Variants in RYR2 observed in about 807,000 individuals in gnomAD.
The protein encoded by RYR2 is ryanodine receptor 2, also known as cardiac muscle ryanodine receptor-calcium release channel.
RYR2 carries 227 observed loss-of-function variants against 601.1 expected under a neutral mutation model. That is an observed-to-expected ratio of 0.38 (90% confidence interval 0.34 to 0.42). The LOEUF (loss-of-function observed/expected upper bound fraction) is 0.42. Among genes scored for constraint, RYR2 ranks in the 10% least tolerant of loss-of-function variants. The pLI is 1.00. For missense variants in RYR2, 4,646 were observed against 6,156.5 expected (o/e 0.75, Z 8.21); for synonymous variants, 2,223 against 2,175.1 (o/e 1.02, Z -0.61).
intron 2 of RYR2, among the ~76,000 whole-genome samples, chr1:237,319,310 G>A (rs1464730790): frequency 6.6e-6 from 1 of 152,114 alleles, no homozygotes; most frequent in Non-Finnish European, 1.5e-5. Flanking sequence ...CACTCAGAGA[G>A]TTTCTCAAGA....
At chr1:237,119,671 T>C (rs2490385) in intron 1 of RYR2, among the ~76,000 whole-genome samples, 79,894 of 152,010 alleles carry the variant, frequency 0.53, 25,131 homozygotes, top group Non-Finnish European at 0.67. Flanking sequence ...CTTCAGCCTA[T>C]CAAATATAAA....
At chr1:237,448,155 G>T (rs1347715408) in intron 14 of RYR2, among the ~76,000 whole-genome samples, 2 of 152,056 alleles carry the variant, frequency 1.3e-5, no homozygotes, top group African/African-American at 4.8e-5. Flanking sequence ...TCGAACACCT[G>T]ATCTCAAGTG....
At chr1:237,409,455 A>C (rs190220244) in intron 10 of RYR2, among the ~76,000 whole-genome samples, 3 of 152,114 alleles carry the variant, frequency 2.0e-5, no homozygotes, top group Non-Finnish European at 2.9e-5. Context: ...ATGATGGATT[A>C]TACTATGGTT....
At chr1:237,102,095 A>T (rs930095818) in intron 1 of RYR2, among the ~76,000 whole-genome samples, 4 of 152,190 alleles carry the variant, frequency 2.6e-5, no homozygotes, top group Non-Finnish European at 4.4e-5. Context: ...GGTCAAAGAC[A>T]TTGCTGTGGA....
intron 2 of RYR2, among the ~76,000 whole-genome samples, chr1:237,295,792 A>G (rs925795015): frequency 1.3e-5 from 2 of 152,206 alleles, no homozygotes; most frequent in Non-Finnish European, 2.9e-5. Flanking sequence ...TATATTTAAA[A>G]TATATTTGTT....
intron 34 of RYR2, among the ~76,000 whole-genome samples, chr1:237,596,939 C>A (rs1675956550): frequency 6.6e-6 from 1 of 152,146 alleles, no homozygotes; most frequent in South Asian, 2.1e-4. Flanking sequence ...ATAGAGTACT[C>A]CACAGATAAG....
chr1:237,641,740 C>T (rs1207656100), intron 47 of RYR2, among the ~76,000 whole-genome samples: 4 of 152,110 alleles, frequency 2.6e-5, no homozygotes, highest in African/African-American at 7.2e-5. Context: ...CGGGGTTTTG[C>T]CATGTTGGCC....
At chr1:237,744,800 A>T in intron 80 of RYR2, among the ~76,000 whole-genome samples, 1 of 136,338 alleles carries the variant, frequency 7.3e-6, no homozygotes, top group East Asian at 2.1e-4. Flanking sequence ...TTCCTTTGTA[A>T]TTTTTTTTTT....
At chr1:237,243,515 C>T (rs1055353295) in intron 1 of RYR2, among the ~76,000 whole-genome samples, 5 of 152,172 alleles carry the variant, frequency 3.3e-5, no homozygotes, top group Non-Finnish European at 7.3e-5. Flanking sequence ...CCTCCCTGGG[C>T]ACCACCACCC....
chr1:237,384,489 C>A (rs1701814751), intron 8 of RYR2, among the ~76,000 whole-genome samples: 1 of 152,230 alleles, frequency 6.6e-6, no homozygotes, highest in Non-Finnish European at 1.5e-5. Flanking sequence ...ACACATTCCC[C>A]TTATCACACA....
At chr1:237,655,707 A>T in intron 52 of RYR2, 114 bp from the exon 53 acceptor site, 1 of 877,462 alleles carries the variant, frequency 1.1e-6, no homozygotes, top group Non-Finnish European at 1.7e-6. Flanking sequence ...CAGAGAGTTC[A>T]GTTAGTCCAG....
Position 237,436,454 on chromosome 1 carries a change from C to CTTTTTTTTTTTTTTTTTTTTTTTTT in RYR2, c.1006-4841_1006-4840insTTTTTTTTTTTTTTTTTTTTTTTTT, listed in dbSNP as rs551140501. The stretch of plus-strand genomic sequence containing the variant: ...AGCCGAGGGATAATGTGTGATTTTC[C>CTTTTTTTTTTTTTTTTTTTTTTTTT]TTTTTTTTTTTTTTTTTTTTTTTTG... On this transcript the variant is annotated intron_variant, in intron 12 of 104. Coordinates refer to ENST00000366574, the MANE Select transcript of RYR2 (RefSeq NM_001035.3). Among the ~76,000 whole-genome samples the CTTTTTTTTTTTTTTTTTTTTTTTTT allele has an allele frequency of 3.4e-3, 165 of 48,712 alleles. 11 individuals carry two copies. The highest frequency in any genetic ancestry group is 3.9e-3 in the East Asian group (5 of 1,268). The allele number at this position is 48,712 out of a possible 152,430, so 32.0% of individuals were successfully genotyped here.
At chr1:237,584,147 G>T (rs952348878) in intron 29 of RYR2, among the ~76,000 whole-genome samples, 1 of 152,150 alleles carries the variant, frequency 6.6e-6, no homozygotes, top group Non-Finnish European at 1.5e-5. Flanking sequence ...AGGACAGGAA[G>T]GTGGGACCCA....
At chr1:237,226,772 G>A (rs1031188371) in intron 1 of RYR2, among the ~76,000 whole-genome samples, 2 of 151,924 alleles carry the variant, frequency 1.3e-5, no homozygotes, top group Admixed American at 6.6e-5. Flanking sequence ...GGTTTTTTTG[G>A]TTTATTTGTT....
intron 2 of RYR2, among the ~76,000 whole-genome samples, chr1:237,273,416 G>A (rs1391201190): frequency 2.6e-5 from 4 of 152,164 alleles, no homozygotes; most frequent in Non-Finnish European, 5.9e-5. Flanking sequence ...CCACTGACTG[G>A]CACTGATCCA....
chr1:237,791,515 G>T lies in RYR2; in HGVS notation c.13563G>T (p.Lys4521Asn). Residue 4521 changes from lysine to asparagine, a missense_variant and splice_region_variant, in exon 93 of 105, where the codon AAG becomes AAT. By Grantham distance (94) the Lys-to-Asn change is moderately conservative. This residue lies in a region of RYR2 where 364 missense variants were observed against 442.9 expected (regional missense o/e 0.82). Coordinates refer to ENST00000366574, the MANE Select transcript of RYR2 (RefSeq NM_001035.3). ...FAINFILLFY[K>N]VSTSSVVEGK... ...TCAATTTCATCTTGCTCTTTTATAA[G>T]GTACGTACATCTCACTGTTTTAATT... 1 of 1,432,590 alleles carries T rather than the reference G, an allele frequency of 7.0e-7. No homozygotes were observed. The allele number at this position is 1,432,590 out of a possible 1,614,324, so 88.7% of individuals were successfully genotyped here. A position where few individuals can be genotyped will look rare whatever the true frequency, so the allele number is the denominator to read the frequency against.
chr1:237,112,004 G>A (rs973382940), intron 1 of RYR2, among the ~76,000 whole-genome samples: 1 of 152,172 alleles, frequency 6.6e-6, no homozygotes, highest in African/African-American at 2.4e-5. Context: ...GTGGGTGGTG[G>A]GTGAGTGCAC....
intron 2 of RYR2, among the ~76,000 whole-genome samples, chr1:237,309,211 T>C (rs1694255699): frequency 2.1e-5 from 3 of 140,024 alleles, no homozygotes; most frequent in South Asian, 5.2e-4. Context: ...AGGGTGCTGA[T>C]TGGTGTGTTT....
At chr1:237,148,533 T>A (rs1373278826) in intron 1 of RYR2, among the ~76,000 whole-genome samples, 11,689 of 116,628 alleles carry the variant, frequency 0.1, 631 homozygotes, top group South Asian at 0.22. Context: ...AAAAAATATA[T>A]ATATATATAT....
Sources: allele counts gnomAD v4.1 joint callset (sites outside exome capture counted in the v4.1 genomes callset), GRCh38; gene constraint gnomAD v4.1.1; regional missense constraint gnomAD v4.1.1; transcripts MANE v1.5; gene names NCBI Gene and HGNC (gene_info 2026-07-23, HGNC 2026-07-21).